Variants in ERN1 observed in about 807,000 individuals in gnomAD.
ERN1 encodes the protein serine/threonine-protein kinase/endoribonuclease IRE1.
Under a neutral mutation model 113.1 loss-of-function variants are expected in ERN1, and 39 were observed. The observed-to-expected ratio is 0.34, with a 90% CI of 0.27 to 0.45. The LOEUF is 0.45. Ranked by LOEUF, ERN1 falls within the 20% of genes least tolerant of loss-of-function variation. The probability of loss-of-function intolerance (pLI) is 1.00; values close to 1 mark genes in which losing one functional copy is unlikely to be tolerated. For missense variants in ERN1, 976 were observed against 1,274.8 expected (o/e 0.77, Z 3.57); for synonymous variants, 507 against 515.9 (o/e 0.98, Z 0.23).
Position 64,060,635 on chromosome 17 carries a change from G to A in ERN1, c.1088-48C>T, listed in dbSNP as rs368261906. The A allele has an allele frequency of 7.1e-5, 99 of 1,401,412 alleles. 1 individual carries two copies. The highest frequency in any genetic ancestry group is 7.0e-4 in the Middle Eastern group (4 of 5,682). The allele number at this position is 1,401,412 out of a possible 1,614,324, so 86.8% of individuals were successfully genotyped here. On this transcript the variant is annotated intron_variant, in intron 10 of 21. Coordinates refer to ENST00000433197, the MANE Select transcript of ERN1 (RefSeq NM_001433.5). The stretch of plus-strand genomic sequence containing the variant: ...TAGTGAGAACAATTTCCCGAGCTGT[G>A]GTGGCACTCAATGCTAAACTTAGGC...
intron 2 of ERN1, among the ~76,000 whole-genome samples, chr17:64,093,991 G>A (rs1914160415): frequency 6.6e-6 from 1 of 152,192 alleles, no homozygotes; most frequent in Non-Finnish European, 1.5e-5. Context: ...TGGGGGACCA[G>A]GGATGCTAGC....
At chr17:64,077,187 A>G (rs948708789) in intron 4 of ERN1, among the ~76,000 whole-genome samples, 4 of 152,222 alleles carry the variant, frequency 2.6e-5, no homozygotes, top group Non-Finnish European at 5.9e-5. Flanking sequence ...AGGCATTCAC[A>G]AAATAATTTT....
chr17:64,082,706 T>C (rs893615529), intron 2 of ERN1, among the ~76,000 whole-genome samples: 1 of 152,218 alleles, frequency 6.6e-6, no homozygotes, highest in Non-Finnish European at 1.5e-5. Flanking sequence ...TGGTTTTCTA[T>C]AGCTTATCCA....
rs113196614 is a variant in ERN1 at position 64,099,686 on chromosome 17, G to A, written c.55-1445C>T. ...GATCCCAGAAGGCCCGGCTACTCTC[G>A]GTAAGAGCCAGGATGCCTAGTTAAT... On this transcript the variant is annotated intron_variant, in intron 1 of 21. Coordinates refer to ENST00000433197, the MANE Select transcript of ERN1 (RefSeq NM_001433.5). Among the ~76,000 whole-genome samples the A allele has an allele frequency of 3.3e-3, 501 of 152,214 alleles. 2 individuals are homozygous for A. The highest frequency in any genetic ancestry group is 0.012 in the African/African-American group (482 of 41,556).
chr17:64,103,214 G>A (rs529688554), intron 1 of ERN1, among the ~76,000 whole-genome samples: 18 of 152,238 alleles, frequency 1.2e-4, no homozygotes, highest in African/African-American at 3.9e-4. Flanking sequence ...GCAATGTTAC[G>A]GCTGGACGTG....
At position 64,066,883 on chromosome 17, in the gene ERN1, G is replaced by A. The variant is rs371513267; in HGVS notation, c.630C>T (p.Asp210=). The A allele has an allele frequency of 1.9e-6, 3 of 1,613,850 alleles. No homozygotes were observed. Among genetic ancestry groups the A allele is most frequent in the Non-Finnish European group, 2.5e-6 (3 of 1,179,852 alleles). The change falls in exon 8 of 22, where the codon GAC becomes GAT. Residue 210 remains aspartate, a synonymous_variant. Transcript: ENST00000433197. ...TCCACAGGACGTCCCCAGATTCACT[G>A]TCCACAGTCACCACCAGCCCATCAC... ...SNGDGLVVTV[D]SESGDVLWIQ...
chr17:64,126,345 G>T (rs1915080158), intron 1 of ERN1, among the ~76,000 whole-genome samples: 1 of 152,146 alleles, frequency 6.6e-6, no homozygotes, highest in Non-Finnish European at 1.5e-5. Context: ...CGAAACCAAA[G>T]AGGTTTCCTA....
In ERN1 at chr17:64,049,121, G is replaced by A; in HGVS notation, c.2335C>T (p.Leu779=). 6.2e-7 allele frequency: 1 copy of A among 1,611,166 alleles called. No individual in the cohort carries two copies. The highest frequency in any genetic ancestry group is 8.5e-7 in the Non-Finnish European group (1 of 1,177,714). Residue 779 remains leucine (L), a synonymous_variant, in exon 18 of 22, where the codon CTG becomes TTG. Transcript: ENST00000433197. The surrounding 1 kb of genome is among the most constrained non-coding windows in gnomAD (Gnocchi z 4.7). ...AGGAGGATGTTGGCCTGCCGCTGCA[G>A]GGACTTGCCAAAAGGGTGGCTGCCC... The part of the protein sequence containing the change: ...SEGSHPFGKS[L]QRQANILLGA...
chr17:64,072,992 A>C (rs1913468815), intron 5 of ERN1, among the ~76,000 whole-genome samples: 2 of 144,106 alleles, frequency 1.4e-5, no homozygotes, highest in Non-Finnish European at 3.0e-5. Flanking sequence ...AGAAGGTCAC[A>C]GAGCCTTTGA....
chr17:64,078,291 CT>C (rs1913660322), intron 4 of ERN1, among the ~76,000 whole-genome samples: 1 of 152,170 alleles, frequency 6.6e-6, no homozygotes, highest in African/African-American at 2.4e-5. Flanking sequence ...AATGGAACAT[CT>C]TTTCATATGT....
Position 64,054,107 on chromosome 17 carries a change from T to G in ERN1, c.1953+143A>C. ...GGAACACATCGCTAGGCCTGGCTAATTTTTGGTTTCTTTGTAGAGATGGGG... is the reference window on the plus strand; with the variant it reads ...GGAACACATCGCTAGGCCTGGCTAAGTTTTGGTTTCTTTGTAGAGATGGGG... On this transcript the variant is annotated intron_variant, in intron 15 of 21. Coordinates refer to ENST00000433197, the MANE Select transcript of ERN1 (RefSeq NM_001433.5). The surrounding 1 kb of genome is among the most constrained non-coding windows in gnomAD (Gnocchi z 4.9). The G allele has an allele frequency of 5.8e-6, 4 of 695,370 alleles. No homozygotes were observed. The highest frequency in any genetic ancestry group is 6.9e-6 in the Non-Finnish European group (3 of 433,498). 43.1% of individuals were successfully genotyped at this position (695,370 alleles called of 1,614,324 possible).
Position 64,110,178 on chromosome 17 carries a change from C to T in ERN1, c.55-11937G>A, listed in dbSNP as rs181524772. On this transcript the variant is annotated intron_variant, in intron 1 of 21. Transcript: ENST00000433197. ...CATAAAAAAATTCCTACAATACACACTTACCCAAACCAGTCTTTTTAAAAA... is the reference window on the plus strand; with the variant it reads ...CATAAAAAAATTCCTACAATACACATTTACCCAAACCAGTCTTTTTAAAAA... 2.8e-3 allele frequency among the ~76,000 whole-genome samples: 425 copies of T among 152,268 alleles called. 3 individuals carry two copies. Among genetic ancestry groups the T allele is most frequent in the African/African-American group, 9.7e-3 (404 of 41,532 alleles).
At chr17:64,045,787 G>A (rs1451204570) in intron 19 of ERN1, among the ~76,000 whole-genome samples, 4 of 152,262 alleles carry the variant, frequency 2.6e-5, no homozygotes, top group Admixed American at 6.5e-5. Context: ...GTACGGAGCC[G>A]CAAGTGCAAT....
At chr17:64,051,891 G>A (rs1251710603) in intron 17 of ERN1, among the ~76,000 whole-genome samples, 1 of 152,194 alleles carries the variant, frequency 6.6e-6, no homozygotes, top group Non-Finnish European at 1.5e-5. Context: ...GTGGGATAAT[G>A]GTATTGTGGT....
rs969339735 is a variant in ERN1, at chr17:64,047,997, G to T, written c.2402-12C>A. 4 of 1,597,846 alleles carry T rather than the reference G, an allele frequency of 2.5e-6. No homozygotes were observed. Among genetic ancestry groups the T allele is most frequent in the Non-Finnish European group, 2.6e-6 (3 of 1,170,048 alleles). Reference sequence around the variant, plus strand: ...TGCAATGACGTCTTCTATAAAGGAGGAAAATAAGCAACTCATGACTACCAG... The same window carrying T: ...TGCAATGACGTCTTCTATAAAGGAGTAAAATAAGCAACTCATGACTACCAG... On this transcript the variant is annotated splice_polypyrimidine_tract_variant and intron_variant, in intron 18 of 21. Coordinates refer to ENST00000433197, the MANE Select transcript of ERN1 (RefSeq NM_001433.5).
At chr17:64,127,889 C>T (rs1424859932) in intron 1 of ERN1, among the ~76,000 whole-genome samples, 1 of 151,978 alleles carries the variant, frequency 6.6e-6, no homozygotes, top group Non-Finnish European at 1.5e-5. Flanking sequence ...TCACTGTTGC[C>T]TGGTTTAACT....
At chr17:64,079,215 A>G (rs1913690815) in intron 4 of ERN1, among the ~76,000 whole-genome samples, 1 of 152,174 alleles carries the variant, frequency 6.6e-6, no homozygotes, top group African/African-American at 2.4e-5. Context: ...AGGTTATTAC[A>G]ATGTATAATT....
Position 64,077,749 on chromosome 17 carries a change from C to CT in ERN1, c.282+1912dup, listed in dbSNP as rs368774351. Among the ~76,000 whole-genome samples, 128 of 144,178 alleles carry CT rather than the reference C, an allele frequency of 8.9e-4. 1 individual carries two copies. The highest frequency in any genetic ancestry group is 3.5e-3 in the Middle Eastern group (1 of 284). 94.6% of individuals were successfully genotyped at this position (144,178 alleles called of 152,430 possible). On this transcript the variant is annotated intron_variant, in intron 4 of 21. Transcript: ENST00000433197. ...ATTGGTGAACAAAAGTGCATTTCTT[C>CT]TTTTTTTTTTTTTTGAGATGGAGTC... is the stretch of plus-strand genomic sequence containing the variant.
chr17:64,096,262 T>A (rs1914226160), intron 2 of ERN1, among the ~76,000 whole-genome samples: 1 of 152,244 alleles, frequency 6.6e-6, no homozygotes, highest in Admixed American at 6.5e-5. Context: ...CCACCTCCTG[T>A]CAGATCAGTG....
Sources: gnomAD v4.1 joint callset for allele counts (sites outside exome capture counted in the v4.1 genomes callset) on GRCh38, gnomAD v4.1.1 for gene constraint, Gnocchi (gnomAD v3.1) non-coding constraint, MANE v1.5 for transcripts, NCBI Gene and HGNC (gene_info 2026-07-23, HGNC 2026-07-21) for gene names.